SUGCT: variants seen among roughly 807,000 people sequenced by gnomAD.
SUGCT encodes the protein succinyl-CoA:glutarate-CoA transferase, also known as succinyl-CoA:glutarate CoA-transferase.
Under a neutral mutation model 55.0 loss-of-function variants are expected in SUGCT, and 41 were observed. That is an observed-to-expected ratio of 0.74 (90% CI 0.58 to 0.97). SUGCT has a LOEUF of 0.97. Ranked by LOEUF, SUGCT falls within the 50% of genes least tolerant of loss-of-function variation. SUGCT has a pLI of 0.00. For missense variants in SUGCT, 568 were observed against 547.8 expected, an observed-to-expected ratio of 1.04 and a Z score of -0.37; for synonymous variants, 187 against 200.4, an observed-to-expected ratio of 0.93 and a Z score of 0.56.
chr7:40,578,793 G>A (rs1271508356), intron 12 of SUGCT, among the ~76,000 whole-genome samples: 2 of 152,098 alleles, frequency 1.3e-5, no homozygotes, highest in African/African-American at 4.8e-5. Context: ...TCCTATCCAT[G>A]CCATTTAAAT....
intron 11 of SUGCT, among the ~76,000 whole-genome samples, chr7:40,467,205 A>G (rs1282073488): frequency 1.9e-5 from 1 of 53,204 alleles, no homozygotes; most frequent in Admixed American, 2.1e-4. Flanking sequence ...TAAGAAAAAG[A>G]AAAAAAAAAA....
chr7:40,268,847 C>A (rs1791794632), intron 7 of SUGCT, among the ~76,000 whole-genome samples: 1 of 152,112 alleles, frequency 6.6e-6, no homozygotes, highest in Non-Finnish European at 1.5e-5. Context: ...CCATGTTGGC[C>A]AGACTAGTCT....
chr7:40,805,877 ATTTG>A (rs1791064656), intron 13 of SUGCT, among the ~76,000 whole-genome samples: 1 of 152,202 alleles, frequency 6.6e-6, no homozygotes, highest in African/African-American at 2.4e-5. Context: ...GACTAAAATC[ATTTG>A]TTTGTGTGTA....
chr7:40,135,566 A>G (rs1787637817), intron 1 of SUGCT, among the ~76,000 whole-genome samples: 1 of 152,266 alleles, frequency 6.6e-6, no homozygotes, highest in Non-Finnish European at 1.5e-5. Flanking sequence ...AGAGGATGAA[A>G]TTTAGCTTTA....
chr7:40,701,226 A>G (rs544082544), intron 12 of SUGCT, among the ~76,000 whole-genome samples: 6 of 152,314 alleles, frequency 3.9e-5, no homozygotes, highest in Non-Finnish European at 7.3e-5. Flanking sequence ...GATGCCTCCT[A>G]AAAAGTTCTG....
At chr7:40,697,135 C>G (rs901578248) in intron 12 of SUGCT, among the ~76,000 whole-genome samples, 1 of 152,162 alleles carries the variant, frequency 6.6e-6, no homozygotes, top group Non-Finnish European at 1.5e-5. Context: ...TATTCATATA[C>G]TTATTCAAAA....
At position 40,350,520 on chromosome 7, in the gene SUGCT, AG is replaced by A. The variant is rs1406198080; in HGVS notation, c.816+33668del. The stretch of plus-strand genomic sequence containing the variant: ...CTTCTTTTTTTTTCTTAGTAGAGTC[AG>A]GGTTTCACCATGTTGGTCAGGCTGG... On this transcript the variant is annotated intron_variant, in intron 9 of 13. Coordinates refer to ENST00000335693, the MANE Select transcript of SUGCT (RefSeq NM_001193313.2). 2.0e-5 allele frequency among the ~76,000 whole-genome samples: 3 copies of A among 149,792 alleles called. No individual in the cohort carries two copies. The Admixed American group carries it at 2.0e-4, about 10-fold the overall frequency.
At chr7:40,585,762 C>G (rs1398528340) in intron 12 of SUGCT, among the ~76,000 whole-genome samples, 1 of 152,068 alleles carries the variant, frequency 6.6e-6, no homozygotes, top group African/African-American at 2.4e-5. Context: ...TCACTGTGGT[C>G]CCGACCTCCC....
At position 40,463,791 on chromosome 7, in the gene SUGCT, C is replaced by G. The variant is rs1201880058; in HGVS notation, c.986+4593C>G. 3.3e-5 allele frequency among the ~76,000 whole-genome samples: 5 copies of G among 152,274 alleles called. No homozygotes were observed. In the East Asian group the frequency reaches 9.7e-4, roughly 29 times the overall value. On this transcript the variant is annotated intron_variant, in intron 11 of 13. Transcript: ENST00000335693. ...TAGAAGACTTTCCCCTGGAGTTTGCCATTTTATCCAGGGTGTTGCAGAAAG... is the reference window on the plus strand; with the variant it reads ...TAGAAGACTTTCCCCTGGAGTTTGCGATTTTATCCAGGGTGTTGCAGAAAG...
chr7:40,949,901 C>G, the SUGCT span, among the ~76,000 whole-genome samples: 1 of 152,150 alleles, frequency 6.6e-6, no homozygotes, highest in Admixed American at 6.5e-5. Flanking sequence ...ATGCCTCTAG[C>G]TTTGTTCTTT....
At chr7:40,951,815 A>G in the SUGCT span, among the ~76,000 whole-genome samples, 1 of 152,086 alleles carries the variant, frequency 6.6e-6, no homozygotes, top group Admixed American at 6.6e-5. Context: ...GTGGTCTGAG[A>G]GACAGTTTGT....
chr7:40,955,020 A>C, the SUGCT span, among the ~76,000 whole-genome samples: 1 of 152,170 alleles, frequency 6.6e-6, no homozygotes, highest in African/African-American at 2.4e-5. Flanking sequence ...TACCAGTACC[A>C]AGCTGTTTTG....
At chr7:40,448,948 GTGTATA>G (rs1250881928) in intron 9 of SUGCT, among the ~76,000 whole-genome samples, 201 of 143,976 alleles carry the variant, frequency 1.4e-3, no homozygotes, top group African/African-American at 5.2e-3. Flanking sequence ...GTGTGTGTGT[GTGTATA>G]TATATATAGA....
At chr7:40,425,898 G>A (rs369991696) in intron 9 of SUGCT, among the ~76,000 whole-genome samples, 1 of 152,002 alleles carries the variant, frequency 6.6e-6, no homozygotes, top group Admixed American at 6.6e-5. Flanking sequence ...TGAATGCTTG[G>A]GGAAGTTGCT....
the SUGCT span, among the ~76,000 whole-genome samples, chr7:40,925,928 T>G: frequency 6.6e-6 from 1 of 151,966 alleles, no homozygotes; most frequent in African/African-American, 2.4e-5. Flanking sequence ...ACTCCATCTC[T>G]ACAAAAAATC....
chr7:40,435,260 T>C (rs1254525051), intron 9 of SUGCT, among the ~76,000 whole-genome samples: 2 of 152,196 alleles, frequency 1.3e-5, no homozygotes, highest in Non-Finnish European at 2.9e-5. Context: ...AGGACATACC[T>C]ATAAATCCTG....
At chr7:40,500,075 GC>G (rs1221395512) in intron 12 of SUGCT, among the ~76,000 whole-genome samples, 1 of 152,112 alleles carries the variant, frequency 6.6e-6, no homozygotes, top group Non-Finnish European at 1.5e-5. Context: ...AAGGGAATGT[GC>G]CATTCTGCTT....
chr7:40,585,739 G>GT (rs1797342614), intron 12 of SUGCT, among the ~76,000 whole-genome samples: 1 of 152,038 alleles, frequency 6.6e-6, no homozygotes, highest in South Asian at 2.1e-4. Flanking sequence ...GAGTGTATTG[G>GT]TGTGATTATA....
intron 12 of SUGCT, among the ~76,000 whole-genome samples, chr7:40,735,999 A>G (rs1187724946): frequency 6.6e-6 from 1 of 151,884 alleles, no homozygotes; most frequent in African/African-American, 2.4e-5. Flanking sequence ...GAACAACTGC[A>G]CAGCAAATTA....
Sources: gnomAD v4.1 joint callset for allele counts (sites outside exome capture counted in the v4.1 genomes callset) on GRCh38, gnomAD v4.1.1 for gene constraint, MANE v1.5 for transcripts, NCBI Gene and HGNC (gene_info 2026-07-23, HGNC 2026-07-21) for gene names.